The following NPLOC4 variants were observed in gnomAD, a reference collection of about 807,000 sequenced individuals.
NPLOC4 encodes NPL4 homolog, ubiquitin recognition factor.
NPLOC4 carries 18 observed loss-of-function variants against 80.6 expected under a neutral mutation model. The observed-to-expected ratio is 0.22, with a 90% confidence interval of 0.15 to 0.33. The LOEUF is 0.33. Among genes scored for constraint, NPLOC4 ranks in the 10% least tolerant of loss-of-function variants. The probability of loss-of-function intolerance (pLI) is 1.00; values close to 1 mark genes in which losing one functional copy is unlikely to be tolerated. For missense variants in NPLOC4, 540 were observed against 786.1 expected, an observed-to-expected ratio of 0.69 and a Z score of 3.74; for synonymous variants, 313 against 301.5, an observed-to-expected ratio of 1.04 and a Z score of -0.39.
At chr17:81,583,867 G>C (rs141421364) in intron 12 of NPLOC4, among the ~76,000 whole-genome samples, 1 of 152,256 alleles carries the variant, frequency 6.6e-6, no homozygotes, top group Admixed American at 6.5e-5. Context: ...ATGCCTATAC[G>C]TGTCTTCAAG....
At chr17:81,618,975 T>C (rs907757527) in intron 3 of NPLOC4, among the ~76,000 whole-genome samples, 2 of 152,010 alleles carry the variant, frequency 1.3e-5, no homozygotes, top group African/African-American at 2.4e-5. Context: ...CGGTGCAAGA[T>C]GTGCTTTGTT....
At chr17:81,606,402 G>A (rs1195020292) in intron 7 of NPLOC4, among the ~76,000 whole-genome samples, 1 of 152,078 alleles carries the variant, frequency 6.6e-6, no homozygotes, top group Non-Finnish European at 1.5e-5. Context: ...TTCAGAGCCA[G>A]TTTCCTCACA....
At position 81,577,981 on chromosome 17, in the gene NPLOC4, C is replaced by T. The variant is rs2034345874; in HGVS notation, c.1282-5893G>A. On this transcript the variant is annotated intron_variant, in intron 12 of 16. Coordinates refer to ENST00000331134, the MANE Select transcript of NPLOC4 (RefSeq NM_017921.4). This position sits in a 1 kb window ranked among gnomAD's most constrained non-coding sequence, Gnocchi z 4.3. ...CTTCTACAGCGGGGACCTCCCCTGC[C>T]CACCCCATCCGGCTGTCAGCACCTG... Among the ~76,000 whole-genome samples, 1 of 152,230 alleles carries T rather than the reference C, an allele frequency of 6.6e-6. No individual in the cohort carries two copies.
intron 11 of NPLOC4, among the ~76,000 whole-genome samples, chr17:81,590,157 G>A (rs1008231831): frequency 7.2e-5 from 11 of 152,242 alleles, no homozygotes; most frequent in South Asian, 4.1e-4. Context: ...GCCACCAGGC[G>A]TCATCACACA....
At chr17:81,562,896 C>G (rs1166195033) in intron 16 of NPLOC4, 3 of 151,392 alleles carry the variant, frequency 2.0e-5, no homozygotes, top group Non-Finnish European at 2.9e-5. Flanking sequence ...ACCTCAAATG[C>G]CACTGCACTT....
At chr17:81,601,506 C>T (rs1427551884) in intron 8 of NPLOC4, among the ~76,000 whole-genome samples, 1 of 152,190 alleles carries the variant, frequency 6.6e-6, no homozygotes, top group African/African-American at 2.4e-5. Context: ...AGTGATCTGC[C>T]TTGCCCCTAC....
chr17:81,591,639 G>A (rs904736995), intron 11 of NPLOC4, among the ~76,000 whole-genome samples: 3 of 152,136 alleles, frequency 2.0e-5, no homozygotes, highest in Non-Finnish European at 4.4e-5. Flanking sequence ...TAAATTCACT[G>A]AGATGAACTG....
intron 8 of NPLOC4, among the ~76,000 whole-genome samples, chr17:81,602,980 TACACACACACACACACAC>T (rs150613321): frequency 3.6e-4 from 52 of 144,946 alleles, no homozygotes; most frequent in African/African-American, 1.3e-3. Flanking sequence ...TATACACAAA[TACACACACACACACACAC>T]ACACACACAC....
At chr17:81,625,643 A>G (rs965815014) in intron 2 of NPLOC4, among the ~76,000 whole-genome samples, 3 of 152,178 alleles carry the variant, frequency 2.0e-5, no homozygotes, top group African/African-American at 7.2e-5. Context: ...AGGTGGAAGC[A>G]CTGCTTGAGC....
At chr17:81,623,495 G>C (rs996409722) in intron 2 of NPLOC4, among the ~76,000 whole-genome samples, 1 of 131,950 alleles carries the variant, frequency 7.6e-6, no homozygotes, top group African/African-American at 2.8e-5. Context: ...GCAAAACTCT[G>C]TCTCAAAAAA....
intron 3 of NPLOC4, among the ~76,000 whole-genome samples, chr17:81,616,035 T>C (rs560069384): frequency 1.2e-4 from 18 of 152,250 alleles, no homozygotes. Context: ...CTGCTAAATC[T>C]GGGCCGGGCG....
intron 10 of NPLOC4, 107 bp downstream of exon 10, chr17:81,597,138 G>A: frequency 1.3e-6 from 1 of 757,284 alleles, no homozygotes; most frequent in South Asian, 1.6e-5. Context: ...ATAAATAATG[G>A]GGCCTGAAAG....
intron 9 of NPLOC4, among the ~76,000 whole-genome samples, chr17:81,599,805 C>T (rs2035016465): frequency 6.6e-6 from 1 of 152,122 alleles, no homozygotes; most frequent in Admixed American, 6.5e-5. Context: ...TTCCATGAAA[C>T]TAGGAAGAAT....
intron 2 of NPLOC4, among the ~76,000 whole-genome samples, chr17:81,623,064 C>A (rs1465434558): frequency 6.6e-6 from 1 of 151,860 alleles, no homozygotes; most frequent in African/African-American, 2.4e-5. Context: ...CATGGTGGCA[C>A]ATGCCTGTAA....
chr17:81,621,329 G>A (rs973036530), intron 3 of NPLOC4, among the ~76,000 whole-genome samples: 21 of 152,150 alleles, frequency 1.4e-4, no homozygotes, highest in Admixed American at 1.2e-3. Context: ...TGTGTCCCTA[G>A]ACATAGTAAT....
At position 81,559,391 on chromosome 17, in the gene NPLOC4, A is replaced by C; in HGVS notation, c.1695T>G (p.Gly565=). 6.2e-7 allele frequency: 1 copy of C among 1,610,394 alleles called. No homozygotes were observed. Residue 565 remains glycine (G), a synonymous_variant, in exon 17 of 17, where the codon GGT becomes GGG. Coordinates refer to ENST00000331134, the MANE Select transcript of NPLOC4 (RefSeq NM_017921.4). ...LCSTVGGQLP[G]LHEYGAVGGS... is the part of the protein sequence containing the mutation. Reference sequence around the variant, plus strand: ...CCCCGACGGCGCCGTACTCATGGAGACCTGGGAGCTGCCCGCCAACTGTGC... The same window carrying C: ...CCCCGACGGCGCCGTACTCATGGAGCCCTGGGAGCTGCCCGCCAACTGTGC...
chr17:81,623,211 C>T (rs1031698969), intron 2 of NPLOC4, among the ~76,000 whole-genome samples: 1 of 151,710 alleles, frequency 6.6e-6, no homozygotes, highest in Non-Finnish European at 1.5e-5. Flanking sequence ...GAGGCTCACA[C>T]CTGTAATCTC....
chr17:81,627,440 C>T (rs1051093134), intron 2 of NPLOC4, among the ~76,000 whole-genome samples: 2 of 150,546 alleles, frequency 1.3e-5, no homozygotes, highest in African/African-American at 4.9e-5. Context: ...GAACTGTCAA[C>T]TCAGAAATCT....
intron 2 of NPLOC4, among the ~76,000 whole-genome samples, chr17:81,627,934 T>G (rs568231350): frequency 1.2e-4 from 18 of 151,604 alleles, no homozygotes; most frequent in Non-Finnish European, 1.9e-4. Context: ...AGACTCCATC[T>G]CAAAAAAAGA....
Sources: gnomAD v4.1 joint callset for allele counts (sites outside exome capture counted in the v4.1 genomes callset) on GRCh38, gnomAD v4.1.1 for gene constraint, Gnocchi (gnomAD v3.1) non-coding constraint, MANE v1.5 for transcripts, NCBI Gene and HGNC (gene_info 2026-07-23, HGNC 2026-07-21) for gene names.